AMMECR1: variants seen among roughly 807,000 people sequenced by gnomAD.
The protein encoded by AMMECR1 is nuclear protein AMMECR1.
Under a neutral mutation model 22.5 loss-of-function variants are expected in AMMECR1, and 3 were observed. That is an observed-to-expected ratio of 0.13 (90% CI 0.06 to 0.35). AMMECR1 has a LOEUF of 0.35. Among genes scored for constraint, AMMECR1 ranks in the 10% least tolerant of loss-of-function variants. AMMECR1 has a pLI of 1.00. For synonymous variants in AMMECR1, 130 were observed against 116.7 expected, an observed-to-expected ratio of 1.11 and a Z score of -0.74; for missense variants, 235 against 278.7, an observed-to-expected ratio of 0.84 and a Z score of 1.12.
chrX:110,256,996 C>T (rs1272117678), intron 2 of AMMECR1, among the ~76,000 whole-genome samples: 1 of 111,661 alleles, frequency 9.0e-6, no homozygotes, highest in Non-Finnish European at 1.9e-5. Flanking sequence ...TCTTCCAGAA[C>T]ACTAAGATAC....
rs138515374 is a variant in AMMECR1 at position 110,260,765 on chromosome X, A to G, written c.584+3724T>C. On this transcript the variant is annotated intron_variant, in intron 2 of 5. Transcript: ENST00000262844. ...TGTTCATCGCAGCATTATTCACAAC[A>G]GCCAAAAGGTAGAAGCCACCCACCC... Among the ~76,000 whole-genome samples, 122 of 111,754 alleles carry G rather than the reference A, an allele frequency of 1.1e-3. 1 individual carries two copies. In the East Asian group the frequency reaches 0.024, roughly 22 times the overall value.
At chrX:110,286,260 A>G (rs2067878938) in intron 1 of AMMECR1, among the ~76,000 whole-genome samples, 1 of 111,973 alleles carries the variant, frequency 8.9e-6, no homozygotes, top group Admixed American at 9.4e-5. Flanking sequence ...TGTTTTTAAA[A>G]GAACCCAACC....
At chrX:110,217,475 T>C (rs1220923761) in intron 2 of AMMECR1, among the ~76,000 whole-genome samples, 1 of 103,505 alleles carries the variant, frequency 9.7e-6, no homozygotes, top group Non-Finnish European at 2.0e-5. Flanking sequence ...GGAAAAACCA[T>C]AATTCTTCCT....
At chrX:110,242,889 T>A (rs1018648519) in intron 2 of AMMECR1, among the ~76,000 whole-genome samples, 1 of 112,468 alleles carries the variant, frequency 8.9e-6, no homozygotes, top group Non-Finnish European at 1.9e-5. Context: ...TGTCTGAAAT[T>A]GTTTCACTAC....
intron 2 of AMMECR1, among the ~76,000 whole-genome samples, chrX:110,220,223 A>C (rs926574613): frequency 8.9e-6 from 1 of 112,044 alleles, no homozygotes; most frequent in Non-Finnish European, 1.9e-5. Flanking sequence ...AATTCTTTCG[A>C]GTATCTATAC....
chrX:110,381,519 T>C (rs2068418940), intron 2 of AMMECR1, among the ~76,000 whole-genome samples: 1 of 111,856 alleles, frequency 8.9e-6, no homozygotes, highest in Admixed American at 9.4e-5. Context: ...GTTAAAGATT[T>C]CTCAAAGATC....
chrX:110,388,664 T>A lies in AMMECR1; in HGVS notation c.-148+37994A>T, dbSNP rs141085537. Among the ~76,000 whole-genome samples, 540 of 112,496 alleles carry A rather than the reference T, an allele frequency of 4.8e-3. 2 individuals carry two copies. The highest frequency in any genetic ancestry group is 0.014 in the Middle Eastern group (3 of 218). The stretch of plus-strand genomic sequence containing the variant: ...GCTTCTTAAAACACAGATTGCTATA[T>A]CCCACCCCTGAGTTTCTGGTTCAGT... On this transcript the variant is annotated intron_variant, in intron 2 of 7. Coordinates refer to the AMMECR1 transcript ENST00000372057.
chrX:110,410,161 G>C (rs966806555), intron 2 of AMMECR1, among the ~76,000 whole-genome samples: 8 of 111,459 alleles, frequency 7.2e-5, no homozygotes, highest in Admixed American at 2.9e-4. Flanking sequence ...GGGTCACAGA[G>C]CAAGTCATGG....
chrX:110,213,482 CAT>C (rs2067457417), intron 3 of AMMECR1, among the ~76,000 whole-genome samples: 1 of 112,255 alleles, frequency 8.9e-6, no homozygotes, highest in Non-Finnish European at 1.9e-5. Flanking sequence ...ATGAATATAA[CAT>C]ATTCTATTTA....
At chrX:110,254,045 T>C (rs2067698313) in intron 2 of AMMECR1, among the ~76,000 whole-genome samples, 1 of 110,977 alleles carries the variant, frequency 9.0e-6, no homozygotes, top group Non-Finnish European at 1.9e-5. Flanking sequence ...GGCCTGCCCA[T>C]TGCCAGCAAT....
chrX:110,255,807 T>TAAAC (rs1327917724), intron 2 of AMMECR1, among the ~76,000 whole-genome samples: 1 of 112,284 alleles, frequency 8.9e-6, no homozygotes, highest in African/African-American at 3.2e-5. Flanking sequence ...AAGTCTATAG[T>TAAAC]TTCCATATGT....
chrX:110,207,317 G>T (rs984922060), intron 3 of AMMECR1, among the ~76,000 whole-genome samples: 2 of 111,566 alleles, frequency 1.8e-5, no homozygotes, highest in Non-Finnish European at 3.8e-5. Flanking sequence ...TTGCCCCACA[G>T]TTCCTTCTGC....
At chrX:110,211,465 T>A (rs955169076) in intron 3 of AMMECR1, among the ~76,000 whole-genome samples, 4 of 112,143 alleles carry the variant, frequency 3.6e-5, no homozygotes, top group Non-Finnish European at 5.6e-5. Flanking sequence ...TCCCAAACAG[T>A]TTAACTCTAC....
At chrX:110,342,024 G>A (rs192847798) in intron 2 of AMMECR1, among the ~76,000 whole-genome samples, 120 of 110,245 alleles carry the variant, frequency 1.1e-3, no homozygotes, top group African/African-American at 3.5e-3. Flanking sequence ...GTGCCACTGC[G>A]TTCCAGCCTG....
intron 2 of AMMECR1, among the ~76,000 whole-genome samples, chrX:110,409,924 T>A (rs2068630039): frequency 2.7e-5 from 3 of 111,867 alleles, no homozygotes; most frequent in Admixed American, 1.9e-4. Context: ...CAAACCTGGC[T>A]GTACAATGGA....
At chrX:110,247,610 G>A (rs888224729) in intron 2 of AMMECR1, among the ~76,000 whole-genome samples, 1 of 109,972 alleles carries the variant, frequency 9.1e-6, no homozygotes, top group Admixed American at 9.6e-5. Context: ...AGAATCACTC[G>A]AGCCCTGGAG....
chrX:110,384,080 T>C (rs967849364), intron 2 of AMMECR1, among the ~76,000 whole-genome samples: 1 of 112,254 alleles, frequency 8.9e-6, no homozygotes, highest in Admixed American at 9.4e-5. Context: ...TTATCGTATA[T>C]ATAACCTACT....
At chrX:110,274,837 ATTTAAT>A (rs1412881842) in intron 1 of AMMECR1, among the ~76,000 whole-genome samples, 2 of 111,895 alleles carry the variant, frequency 1.8e-5, no homozygotes, top group African/African-American at 3.2e-5. Flanking sequence ...ATACTTTAGT[ATTTAAT>A]TTTATCACCA....
chrX:110,358,746 T>C (rs895653504), intron 2 of AMMECR1: 1 of 111,829 alleles, frequency 8.9e-6, no homozygotes, highest in Non-Finnish European at 1.9e-5. Flanking sequence ...AGAAACTTTG[T>C]AGGCTGGGAA....
Sources: gnomAD v4.1 joint callset for allele counts (sites outside exome capture counted in the v4.1 genomes callset) on GRCh38, gnomAD v4.1.1 for gene constraint, MANE v1.5 for transcripts, NCBI Gene and HGNC (gene_info 2026-07-23, HGNC 2026-07-21) for gene names.